The following RBM20 variants were observed in gnomAD, a reference collection of about 807,000 sequenced individuals.
RBM20 encodes the protein RNA binding motif protein 20.
In RBM20, 51 loss-of-function variants were observed where a neutral mutation model predicts 110.1. The observed-to-expected ratio is 0.46, with a 90% CI of 0.37 to 0.59. The LOEUF is 0.59. Among genes scored for constraint, RBM20 ranks in the 20% least tolerant of loss-of-function variants. RBM20 has a pLI of 0.00. For missense variants in RBM20, 1,512 were observed against 1,574.9 expected, an observed-to-expected ratio of 0.96 and a Z score of 0.68; for synonymous variants, 589 against 618.2, an observed-to-expected ratio of 0.95 and a Z score of 0.70.
intron 1 of RBM20, among the ~76,000 whole-genome samples, chr10:110,778,714 C>T (rs905324437): frequency 2.0e-5 from 3 of 152,242 alleles, no homozygotes; most frequent in African/African-American, 7.2e-5. Context: ...CCTGATGACA[C>T]CCACTTTTCA....
At chr10:110,714,775 A>G (rs1281495251) in intron 1 of RBM20, among the ~76,000 whole-genome samples, 1 of 152,186 alleles carries the variant, frequency 6.6e-6, no homozygotes. Context: ...TTCCAAGAAG[A>G]ATCCTTCCCT....
intron 1 of RBM20, among the ~76,000 whole-genome samples, chr10:110,752,026 T>G (rs1843860538): frequency 6.6e-6 from 1 of 152,202 alleles, no homozygotes; most frequent in Non-Finnish European, 1.5e-5. Flanking sequence ...TTACAATTGA[T>G]GACCCTACAT....
intron 1 of RBM20, among the ~76,000 whole-genome samples, chr10:110,738,587 T>A (rs1329122677): frequency 1.3e-5 from 2 of 151,994 alleles, no homozygotes; most frequent in African/African-American, 2.4e-5. Flanking sequence ...CAACTTGGAC[T>A]AACACTTATG....
chr10:110,756,911 G>A (rs1421395018), intron 1 of RBM20, among the ~76,000 whole-genome samples: 1 of 152,210 alleles, frequency 6.6e-6, no homozygotes, highest in Admixed American at 6.5e-5. Context: ...CACAAGTGAG[G>A]TTGGTGCATT....
intron 1 of RBM20, among the ~76,000 whole-genome samples, chr10:110,747,292 T>TC (rs374451391): frequency 3.0e-4 from 40 of 133,632 alleles, no homozygotes; most frequent in African/African-American, 1.0e-3. Flanking sequence ...AAAAACTCTT[T>TC]TTTTGGGGGG....
rs1845141012 is a variant in RBM20 at position 110,837,071 on chromosome 10, C to T, written c.*1093C>T. 6.6e-6 allele frequency: 1 copy of T among 152,168 alleles called. No individual in the cohort carries two copies. Among genetic ancestry groups the T allele is most frequent in the Admixed American group, 6.6e-5 (1 of 15,266 alleles). The allele number at this position is 152,168 out of a possible 1,614,324, so 9.4% of individuals were successfully genotyped here. A position where few individuals can be genotyped will look rare whatever the true frequency, so the allele number is the denominator to read the frequency against. On this transcript the variant is annotated 3_prime_UTR_variant, in exon 14 of 14. Transcript: ENST00000369519. ...TCACAGTAGGATGGTTTTTAAATGG[C>T]CCCCCAGTTGGGGGAGAAGCTAAGG...
intron 1 of RBM20, among the ~76,000 whole-genome samples, chr10:110,737,165 G>A (rs1843679155): frequency 3.9e-5 from 2 of 50,920 alleles, no homozygotes; most frequent in African/African-American, 8.5e-5. Context: ...CAAGAAGAGT[G>A]AAACTCTGCC....
intron 2 of RBM20, among the ~76,000 whole-genome samples, chr10:110,783,165 T>G (rs1176664765): frequency 1.3e-5 from 2 of 152,056 alleles, no homozygotes; most frequent in East Asian, 3.9e-4. Flanking sequence ...GAGGAGCTGA[T>G]GGAGCAAAGG....
intron 1 of RBM20, among the ~76,000 whole-genome samples, chr10:110,750,935 G>A (rs911548352): frequency 6.6e-6 from 1 of 152,134 alleles, no homozygotes; most frequent in Admixed American, 6.5e-5. Context: ...TGGGAGTTGT[G>A]GAATTCTGCT....
chr10:110,742,789 T>C (rs752361593), intron 1 of RBM20, among the ~76,000 whole-genome samples: 1 of 152,214 alleles, frequency 6.6e-6, no homozygotes, highest in Non-Finnish European at 1.5e-5. Flanking sequence ...TCGGTTAGTA[T>C]TTCAAACCCC....
Position 110,664,430 on chromosome 10 carries a change from G to A in RBM20, c.191+19785G>A, listed in dbSNP as rs76919204. ...ACATACATCAAATATATTAACATGT[G>A]CAAAATCTATAAGTTAAAAAAATTC... On this transcript the variant is annotated intron_variant, in intron 1 of 13. Coordinates refer to ENST00000369519, the MANE Select transcript of RBM20 (RefSeq NM_001134363.3). 1.8e-3 allele frequency among the ~76,000 whole-genome samples: 269 copies of A among 152,242 alleles called. 2 individuals are homozygous for A. Among genetic ancestry groups the A allele is most frequent in the African/African-American group, 6.4e-3 (264 of 41,550 alleles).
At chr10:110,783,923 C>A (rs1180947238) in intron 3 of RBM20, among the ~76,000 whole-genome samples, 1 of 152,240 alleles carries the variant, frequency 6.6e-6, no homozygotes, top group Non-Finnish European at 1.5e-5. Context: ...CAGCCCCTGG[C>A]AACCACCAAT....
chr10:110,760,174 C>A (rs901958817), intron 1 of RBM20, among the ~76,000 whole-genome samples: 1 of 152,206 alleles, frequency 6.6e-6, no homozygotes, highest in Non-Finnish European at 1.5e-5. Context: ...AAAGAACCTT[C>A]CCAGAACATA....
At chr10:110,690,362 T>G (rs1862569385) in intron 1 of RBM20, among the ~76,000 whole-genome samples, 1 of 152,022 alleles carries the variant, frequency 6.6e-6, no homozygotes, top group Non-Finnish European at 1.5e-5. Flanking sequence ...GCTGTGATAG[T>G]GCCACTGCAT....
Position 110,810,492 on chromosome 10 carries a change from A to G in RBM20, c.1880+30A>G. On this transcript the variant is annotated intron_variant, in intron 8 of 13. Transcript: ENST00000369519. ...GGCCCCAAGCCCCAAGTCTCCAGGCAGGTTCTGGGCAGTGGGAACAGACTC... is the reference window on the plus strand; with the variant it reads ...GGCCCCAAGCCCCAAGTCTCCAGGCGGGTTCTGGGCAGTGGGAACAGACTC... The G allele has an allele frequency of 2.0e-6, 3 of 1,506,904 alleles. No homozygotes were observed. The South Asian group carries it at 3.6e-5, about 18-fold the overall frequency. 93.3% of individuals were successfully genotyped at this position (1,506,904 alleles called of 1,614,324 possible).
chr10:110,783,241 T>C, intron 2 of RBM20, 125 bp from the exon 3 acceptor site: 1 of 674,640 alleles, frequency 1.5e-6, no homozygotes, highest in South Asian at 1.5e-5. Flanking sequence ...GAGGGATGTG[T>C]CTGCAGGGGT....
At chr10:110,679,721 C>T (rs1862394921) in intron 1 of RBM20, among the ~76,000 whole-genome samples, 1 of 152,224 alleles carries the variant, frequency 6.6e-6, no homozygotes, top group South Asian at 2.1e-4. Flanking sequence ...CACAGGCTGG[C>T]AGTCTGTCTG....
intron 1 of RBM20, among the ~76,000 whole-genome samples, chr10:110,691,042 T>G (rs1208938572): frequency 1.3e-5 from 2 of 152,220 alleles, no homozygotes. Flanking sequence ...AGATGAGGTC[T>G]TTGGGAGGCT....
intron 1 of RBM20, among the ~76,000 whole-genome samples, chr10:110,664,136 A>G (rs999912869): frequency 6.6e-6 from 1 of 152,238 alleles, no homozygotes; most frequent in Admixed American, 6.5e-5. Flanking sequence ...CAAACCTAGT[A>G]GCAGTAAGCA....
Sources: allele counts gnomAD v4.1 joint callset (sites outside exome capture counted in the v4.1 genomes callset), GRCh38; gene constraint gnomAD v4.1.1; transcripts MANE v1.5; gene names NCBI Gene and HGNC (gene_info 2026-07-23, HGNC 2026-07-21).